Variants in OPCML observed in about 807,000 individuals in gnomAD.
The protein encoded by OPCML is opioid binding protein/cell adhesion molecule like, also known as opioid-binding protein/cell adhesion molecule.
OPCML carries 13 observed loss-of-function variants against 37.8 expected under a neutral mutation model. That is an observed-to-expected ratio of 0.34 (90% CI 0.22 to 0.55). The LOEUF is 0.55. Ranked by LOEUF, OPCML falls within the 20% of genes least tolerant of loss-of-function variation. The pLI, the probability that OPCML is intolerant of heterozygous loss-of-function variation, is 0.91. For missense variants in OPCML, 341 were observed against 435.6 expected (o/e 0.78, Z 1.93); for synonymous variants, 176 against 168.8 (o/e 1.04, Z -0.33).
At chr11:132,777,869 T>G (rs1000102206) in intron 2 of OPCML, among the ~76,000 whole-genome samples, 1 of 152,190 alleles carries the variant, frequency 6.6e-6, no homozygotes, top group African/African-American at 2.4e-5. Context: ...AGTTCTTTCA[T>G]TCCCACATAA....
At chr11:133,404,816 A>G (rs1945492005) in intron 1 of OPCML, among the ~76,000 whole-genome samples, 1 of 152,250 alleles carries the variant, frequency 6.6e-6, no homozygotes, top group Admixed American at 6.5e-5. Flanking sequence ...AAAAATAAAA[A>G]CAAAGGCACA....
At chr11:133,392,982 C>T (rs1945204524) in intron 1 of OPCML, among the ~76,000 whole-genome samples, 1 of 151,868 alleles carries the variant, frequency 6.6e-6, no homozygotes, top group African/African-American at 2.4e-5. Flanking sequence ...TGGCAATGCC[C>T]TGCCTTCTTG....
At chr11:132,788,750 T>C (rs1404778541) in intron 2 of OPCML, among the ~76,000 whole-genome samples, 1 of 152,188 alleles carries the variant, frequency 6.6e-6, no homozygotes, top group East Asian at 1.9e-4. Flanking sequence ...CACAAACCGT[T>C]TGAGTAGCTT....
At chr11:133,530,617 G>A (rs1337064045) in intron 1 of OPCML, among the ~76,000 whole-genome samples, 1 of 152,216 alleles carries the variant, frequency 6.6e-6, no homozygotes, top group African/African-American at 2.4e-5. Flanking sequence ...TCCCTGCTGA[G>A]CACAGCCCCC....
chr11:133,044,476 C>A (rs1322922385), intron 1 of OPCML, among the ~76,000 whole-genome samples: 1 of 152,126 alleles, frequency 6.6e-6, no homozygotes, highest in Non-Finnish European at 1.5e-5. Flanking sequence ...GTTTAAGGGA[C>A]TGAGTCACAC....
intron 1 of OPCML, among the ~76,000 whole-genome samples, chr11:133,116,038 C>T (rs985772094): frequency 5.6e-4 from 85 of 152,202 alleles, no homozygotes; most frequent in African/African-American, 2.0e-3. Context: ...GGAACGATCT[C>T]GGCTCACTGC....
chr11:133,019,090 C>T (rs2136896873), intron 1 of OPCML, among the ~76,000 whole-genome samples: 1 of 152,270 alleles, frequency 6.6e-6, no homozygotes, highest in African/African-American at 2.4e-5. Context: ...ACAAAAGAGA[C>T]CAGAGCAGGA....
At chr11:133,108,366 A>G (rs1402658435) in intron 1 of OPCML, among the ~76,000 whole-genome samples, 3 of 152,140 alleles carry the variant, frequency 2.0e-5, no homozygotes, top group Non-Finnish European at 4.4e-5. Context: ...CTACACATTT[A>G]CTTAGTGGAC....
intron 1 of OPCML, among the ~76,000 whole-genome samples, chr11:133,494,610 C>T (rs1386883928): frequency 6.8e-6 from 1 of 147,828 alleles, no homozygotes; most frequent in Non-Finnish European, 1.5e-5. Flanking sequence ...TCTCAGTAAA[C>T]TATAGCAAGA....
intron 3 of OPCML, among the ~76,000 whole-genome samples, chr11:132,631,202 T>TA (rs35111694): frequency 3.3e-5 from 5 of 151,680 alleles, no homozygotes; most frequent in East Asian, 3.9e-4. Context: ...GAGAACTTTT[T>TA]AAAAAAAATT....
chr11:132,828,593 C>T (rs958058821), intron 2 of OPCML, among the ~76,000 whole-genome samples: 5 of 151,698 alleles, frequency 3.3e-5, no homozygotes, highest in Non-Finnish European at 7.4e-5. Context: ...CTCCATGAAC[C>T]AGAAAACAAA....
intron 2 of OPCML, among the ~76,000 whole-genome samples, chr11:132,750,480 C>A (rs1945794248): frequency 6.6e-6 from 1 of 152,090 alleles, no homozygotes; most frequent in South Asian, 2.1e-4. Context: ...AGGAAACATA[C>A]TTGTCTTGGT....
Position 132,937,596 on chromosome 11 carries a change from GTGTGT to G in OPCML, c.146+5325_146+5329del, listed in dbSNP as rs1484776236. ...GTGTGGTGTGTGTGGCGTGTGTGGGGTGTGTGTGTGTGTGTGTGTGTGTGTGTGTG... is the reference window on the plus strand; with the variant it reads ...GTGTGGTGTGTGTGGCGTGTGTGGGGGTGTGTGTGTGTGTGTGTGTGTGTG... On this transcript the variant is annotated intron_variant, in intron 2 of 7. Transcript: ENST00000524381. 2.6e-3 allele frequency among the ~76,000 whole-genome samples: 224 copies of G among 85,688 alleles called. 4 individuals carry two copies. The highest frequency in any genetic ancestry group is 0.011 in the East Asian group (47 of 4,092). 56.2% of individuals were successfully genotyped at this position (85,688 alleles called of 152,430 possible).
chr11:132,888,627 G>T (rs1194141835), intron 2 of OPCML, among the ~76,000 whole-genome samples: 1 of 151,986 alleles, frequency 6.6e-6, no homozygotes, highest in Non-Finnish European at 1.5e-5. Context: ...TGTCTGTATT[G>T]TTCGTTTGTT....
At chr11:133,440,763 T>TAC (rs1565635460) in intron 1 of OPCML, among the ~76,000 whole-genome samples, 1 of 104,910 alleles carries the variant, frequency 9.5e-6, no homozygotes, top group African/African-American at 1.1e-4. Context: ...CTACAGCAAT[T>TAC]ATATATATAT....
At chr11:133,523,143 C>T (rs908074777) in intron 1 of OPCML, among the ~76,000 whole-genome samples, 7 of 152,002 alleles carry the variant, frequency 4.6e-5, no homozygotes, top group Non-Finnish European at 8.8e-5. Context: ...GTAGAGAAAC[C>T]GAGTTATTCA....
chr11:132,931,313 G>C (rs1382957530), intron 2 of OPCML, among the ~76,000 whole-genome samples: 1 of 152,046 alleles, frequency 6.6e-6, no homozygotes, highest in African/African-American at 2.4e-5. Context: ...AACAAGAAAA[G>C]ATAAATTGGA....
At chr11:133,185,287 T>C (rs1240471762) in intron 1 of OPCML, among the ~76,000 whole-genome samples, 1 of 152,184 alleles carries the variant, frequency 6.6e-6, no homozygotes, top group African/African-American at 2.4e-5. Flanking sequence ...TTGTATAAGA[T>C]TATTTGATTT....
chr11:132,615,893 G>GA (rs956899778), intron 3 of OPCML, among the ~76,000 whole-genome samples: 1 of 152,224 alleles, frequency 6.6e-6, no homozygotes, highest in Non-Finnish European at 1.5e-5. Context: ...AACCAAGAGG[G>GA]AAAAAAAGGC....
Sources: gnomAD v4.1 joint callset for allele counts (sites outside exome capture counted in the v4.1 genomes callset) on GRCh38, gnomAD v4.1.1 for gene constraint, MANE v1.5 for transcripts, NCBI Gene and HGNC (gene_info 2026-07-23, HGNC 2026-07-21) for gene names.